KCNH8: variants seen among roughly 807,000 people sequenced by gnomAD.
The protein encoded by KCNH8 is potassium voltage-gated channel subfamily H member 8, also known as voltage-gated delayed rectifier potassium channel KCNH8.
A neutral mutation model predicts 103.6 loss-of-function variants in KCNH8; 70 were observed. The ratio of observed to expected loss-of-function variants is 0.68; its 90% confidence interval spans 0.56 to 0.82. The LOEUF is 0.82. Among genes scored for constraint, KCNH8 ranks in the 40% least tolerant of loss-of-function variants. The pLI, the probability that KCNH8 is intolerant of heterozygous loss-of-function variation, is 0.00. For missense variants in KCNH8, 1,217 were observed against 1,329.9 expected (o/e 0.92, Z 1.32); for synonymous variants, 498 against 489.4 (o/e 1.02, Z -0.23).
chr3:19,412,016 T>TA (rs993403705), intron 7 of KCNH8, among the ~76,000 whole-genome samples: 8 of 151,252 alleles, frequency 5.3e-5, no homozygotes, highest in African/African-American at 4.8e-5. Flanking sequence ...AAGAATTATT[T>TA]AAAAAAAATA....
chr3:19,524,467 GTTTTGTAGAACTCC>G (rs1435439606), intron 15 of KCNH8, among the ~76,000 whole-genome samples: 2 of 151,810 alleles, frequency 1.3e-5, no homozygotes, highest in Admixed American at 1.3e-4. Flanking sequence ...ACTAATTTAT[GTTTTGTAGAACTCC>G]TTTTGGTTAT....
Position 19,405,754 on chromosome 3 carries a change from G to A in KCNH8, c.1177+10443G>A, listed in dbSNP as rs147081794. Among the ~76,000 whole-genome samples the A allele has an allele frequency of 7.2e-5, 11 of 151,976 alleles. No individual in the cohort carries two copies. The East Asian group carries it at 7.7e-4, about 11-fold the overall frequency. On this transcript the variant is annotated intron_variant, in intron 7 of 15. Coordinates refer to ENST00000328405, the MANE Select transcript of KCNH8 (RefSeq NM_144633.3). Reference sequence around the variant, plus strand: ...AATCAAGCCCTGCCATTAATTAGCCGTTTGACCTAGGACATTTTATCAAAC... The same window carrying A: ...AATCAAGCCCTGCCATTAATTAGCCATTTGACCTAGGACATTTTATCAAAC...
chr3:19,371,117 A>G (rs1192740494), intron 5 of KCNH8, among the ~76,000 whole-genome samples: 11 of 151,796 alleles, frequency 7.2e-5, no homozygotes, highest in African/African-American at 2.7e-4. Flanking sequence ...TCCTTTGGGT[A>G]TATACCCAGT....
intron 5 of KCNH8, among the ~76,000 whole-genome samples, chr3:19,374,928 T>C (rs575803698): frequency 2.0e-5 from 3 of 152,264 alleles, no homozygotes; most frequent in Admixed American, 6.5e-5. Context: ...ATGTTGAATA[T>C]TGGCCCCCAC....
chr3:19,373,581 T>C (rs1200735015), intron 5 of KCNH8, among the ~76,000 whole-genome samples: 1 of 152,094 alleles, frequency 6.6e-6, no homozygotes, highest in Non-Finnish European at 1.5e-5. Flanking sequence ...ATTAATTTTT[T>C]GAAGGGTTTT....
chr3:19,468,606 G>C (rs1290451025), intron 11 of KCNH8, among the ~76,000 whole-genome samples: 1 of 152,200 alleles, frequency 6.6e-6, no homozygotes, highest in Non-Finnish European at 1.5e-5. Flanking sequence ...ATTGCAATCT[G>C]AGTAATATTT....
intron 7 of KCNH8, among the ~76,000 whole-genome samples, chr3:19,431,795 T>A (rs545289274): frequency 6.6e-6 from 1 of 152,312 alleles, no homozygotes; most frequent in African/African-American, 2.4e-5. Context: ...CACAGAGGTG[T>A]TTATAACATT....
intron 11 of KCNH8, among the ~76,000 whole-genome samples, chr3:19,457,356 T>C (rs539050535): frequency 6.6e-6 from 1 of 152,150 alleles, no homozygotes; most frequent in Non-Finnish European, 1.5e-5. Context: ...AATTGTTCAC[T>C]ACTCCAATTG....
chr3:19,348,675 C>T (rs2065760080), intron 5 of KCNH8, among the ~76,000 whole-genome samples: 3 of 152,016 alleles, frequency 2.0e-5, no homozygotes, highest in Admixed American at 2.0e-4. Context: ...CACAGATTGA[C>T]TCCCTGTTGA....
At chr3:19,466,330 A>G (rs1029943258) in intron 11 of KCNH8, among the ~76,000 whole-genome samples, 1 of 152,202 alleles carries the variant, frequency 6.6e-6, no homozygotes. Flanking sequence ...GATTTAGAAT[A>G]TTACATGAAC....
chr3:19,467,597 G>A (rs908247109), intron 11 of KCNH8, among the ~76,000 whole-genome samples: 1 of 152,132 alleles, frequency 6.6e-6, no homozygotes, highest in African/African-American at 2.4e-5. Flanking sequence ...ATGTGTTTGT[G>A]GGAGCACGGG....
chr3:19,182,191 T>G (rs939959141), intron 1 of KCNH8, among the ~76,000 whole-genome samples: 3 of 152,158 alleles, frequency 2.0e-5, no homozygotes, highest in African/African-American at 7.2e-5. Context: ...TGGGCTCAGC[T>G]GTGTGACTTG....
At chr3:19,199,239 T>C (rs2063632317) in intron 1 of KCNH8, among the ~76,000 whole-genome samples, 1 of 152,190 alleles carries the variant, frequency 6.6e-6, no homozygotes, top group Non-Finnish European at 1.5e-5. Context: ...AACTTAATTC[T>C]ACCCTTTGTT....
chr3:19,169,297 C>T (rs898217609), intron 1 of KCNH8, among the ~76,000 whole-genome samples: 8 of 128,650 alleles, frequency 6.2e-5, no homozygotes, highest in South Asian at 2.4e-4. Flanking sequence ...CTCGCTCTTT[C>T]GCCCAGGCTG....
chr3:19,355,716 C>A (rs913670373), intron 5 of KCNH8, among the ~76,000 whole-genome samples: 1 of 152,016 alleles, frequency 6.6e-6, no homozygotes, highest in Non-Finnish European at 1.5e-5. Flanking sequence ...GGGAACATCA[C>A]ACACCAGGGC....
chr3:19,307,191 T>C lies in KCNH8; in HGVS notation c.442+25862T>C, dbSNP rs759838634. ...ATAGAATATGCTGGAAACTCAAACATCTCAACAGCAAAACAAAAGAAAAAA... is the reference window on the plus strand; with the variant it reads ...ATAGAATATGCTGGAAACTCAAACACCTCAACAGCAAAACAAAAGAAAAAA... On this transcript the variant is annotated intron_variant, in intron 3 of 15. Transcript: ENST00000328405. Among the ~76,000 whole-genome samples the C allele has an allele frequency of 1.7e-4, 26 of 151,350 alleles. 1 individual carries two copies. The highest frequency in any genetic ancestry group is 6.3e-4 in the African/African-American group (26 of 41,266).
intron 1 of KCNH8, among the ~76,000 whole-genome samples, chr3:19,178,977 A>G (rs1283233487): frequency 6.6e-6 from 1 of 152,178 alleles, no homozygotes; most frequent in Non-Finnish European, 1.5e-5. Context: ...TCATAGTATT[A>G]TGTTACCTGA....
intron 3 of KCNH8, among the ~76,000 whole-genome samples, chr3:19,314,120 T>C (rs2065242631): frequency 6.6e-6 from 1 of 151,980 alleles, no homozygotes; most frequent in African/African-American, 2.4e-5. Context: ...CCTCCAAAAA[T>C]TTGGTTCTCA....
At chr3:19,304,176 C>G (rs1419038904) in intron 3 of KCNH8, among the ~76,000 whole-genome samples, 1 of 152,118 alleles carries the variant, frequency 6.6e-6, no homozygotes, top group African/African-American at 2.4e-5. Context: ...TCAAAATAAC[C>G]TGGACAGCCC....
Sources: allele counts gnomAD v4.1 joint callset (sites outside exome capture counted in the v4.1 genomes callset), GRCh38; gene constraint gnomAD v4.1.1; transcripts MANE v1.5; gene names NCBI Gene and HGNC (gene_info 2026-07-23, HGNC 2026-07-21).